The following PLXDC2 variants were observed in gnomAD, a reference collection of about 807,000 sequenced individuals.
PLXDC2 encodes the protein plexin domain-containing protein 2.
A neutral mutation model predicts 68.9 loss-of-function variants in PLXDC2; 40 were observed. That is an observed-to-expected ratio of 0.58 (90% CI 0.45 to 0.76). The LOEUF (loss-of-function observed/expected upper bound fraction) is 0.76. Among genes scored for constraint, PLXDC2 ranks in the 30% least tolerant of loss-of-function variants. PLXDC2 has a pLI of 0.00. For synonymous variants in PLXDC2, 243 were observed against 234.2 expected, an observed-to-expected ratio of 1.04 and a Z score of -0.34; for missense variants, 644 against 661.9, an observed-to-expected ratio of 0.97 and a Z score of 0.30.
chr10:19,822,326 A>G (rs1836485170), intron 1 of PLXDC2, among the ~76,000 whole-genome samples: 1 of 150,962 alleles, frequency 6.6e-6, no homozygotes, highest in Admixed American at 6.6e-5. Context: ...TATGGAATGT[A>G]TATGCACTAC....
chr10:20,124,709 C>A (rs1022808311), intron 4 of PLXDC2, among the ~76,000 whole-genome samples: 3 of 139,242 alleles, frequency 2.2e-5, no homozygotes, highest in Non-Finnish European at 4.6e-5. Context: ...TGTTCTCTGG[C>A]GGGCAGGAGT....
At chr10:20,116,622 G>A (rs1833626551) in intron 4 of PLXDC2, among the ~76,000 whole-genome samples, 1 of 152,112 alleles carries the variant, frequency 6.6e-6, no homozygotes, top group East Asian at 1.9e-4. Context: ...TTAGAAGTAA[G>A]GTATTTGGAT....
chr10:20,184,046 C>CG, intron 9 of PLXDC2, among the ~76,000 whole-genome samples: 1 of 151,686 alleles, frequency 6.6e-6, no homozygotes, highest in South Asian at 2.1e-4. Context: ...GAATAAGCCC[C>CG]TCCTTATTAA....
intron 9 of PLXDC2, among the ~76,000 whole-genome samples, chr10:20,198,135 T>G (rs1264411002): frequency 6.6e-6 from 1 of 152,106 alleles, no homozygotes; most frequent in African/African-American, 2.4e-5. Context: ...CAGCTTGGGT[T>G]GAATATTTCT....
At chr10:19,861,378 TC>T (rs1187639409) in intron 1 of PLXDC2, among the ~76,000 whole-genome samples, 1 of 152,030 alleles carries the variant, frequency 6.6e-6, no homozygotes, top group African/African-American at 2.4e-5. Context: ...GCCAGACACT[TC>T]CAGTCAGTGT....
chr10:20,232,727 C>T (rs11011895), intron 12 of PLXDC2, among the ~76,000 whole-genome samples: 11,844 of 152,022 alleles, frequency 0.078, 610 homozygotes, highest in African/African-American at 0.13. Flanking sequence ...CGGTGTTGGT[C>T]GGGGCTGTTA....
rs1008174678 is a variant in PLXDC2 at position 20,288,611 on chromosome 10, CCT to C, written c.*8793_*8794del. The C allele has an allele frequency of 2.0e-4, 30 of 152,150 alleles. No homozygotes were observed. Among genetic ancestry groups the C allele is most frequent in the African/African-American group, 7.2e-4 (30 of 41,518 alleles). 9.4% of individuals were successfully genotyped at this position (152,150 alleles called of 1,614,324 possible). ...ATTATGTTCACTGTAATATTAATGA[CCT>C]AAGTTTGAATGTATTTCCTTACAGT... On this transcript the variant is annotated 3_prime_UTR_variant, in exon 14 of 14. Transcript: ENST00000377252.
intron 4 of PLXDC2, among the ~76,000 whole-genome samples, chr10:20,081,294 A>G (rs10764196): frequency 0.21 from 31,433 of 152,116 alleles, 3,943 homozygotes; most frequent in African/African-American, 0.35. Flanking sequence ...GGGAATAGGA[A>G]GCAGGGAGGG....
chr10:20,186,041 T>C (rs1425213355), intron 9 of PLXDC2, among the ~76,000 whole-genome samples: 1 of 151,990 alleles, frequency 6.6e-6, no homozygotes, highest in Admixed American at 6.6e-5. Flanking sequence ...AATATTCTGA[T>C]AGCTAAAAAT....
At position 19,953,976 on chromosome 10, in the gene PLXDC2, G is replaced by A. The variant is rs533276535; in HGVS notation, c.113-47799G>A. On this transcript the variant is annotated intron_variant, in intron 1 of 13. Transcript: ENST00000377252. ...GAAGTGTGGGCGGGGTGATAAAATC[G>A]TGCATTTAAATCATGTTAAAAACTT... Among the ~76,000 whole-genome samples the A allele has an allele frequency of 1.6e-4, 24 of 152,228 alleles. No homozygotes were observed. In the South Asian group the frequency reaches 4.1e-3, roughly 26 times the overall value.
intron 1 of PLXDC2, among the ~76,000 whole-genome samples, chr10:19,921,990 T>A (rs1042589296): frequency 5.9e-5 from 9 of 152,226 alleles, no homozygotes; most frequent in African/African-American, 2.2e-4. Flanking sequence ...CCCGAGTAGG[T>A]GGGACTAACA....
chr10:20,126,318 A>AATATATACATATACGTTATATAATAC (rs1833777765), intron 4 of PLXDC2, among the ~76,000 whole-genome samples: 5 of 86,172 alleles, frequency 5.8e-5, no homozygotes, highest in Non-Finnish European at 1.4e-4. Flanking sequence ...TACGTTATAT[A>AATATATACATATACGTTATATAATAC]ATATATACAT....
intron 1 of PLXDC2, among the ~76,000 whole-genome samples, chr10:19,937,040 C>G (rs1311679196): frequency 6.6e-6 from 1 of 152,168 alleles, no homozygotes; most frequent in Non-Finnish European, 1.5e-5. Flanking sequence ...ATGTCTCTTG[C>G]ATGTGTTCCT....
chr10:20,127,435 C>A (rs1486893992), intron 4 of PLXDC2, among the ~76,000 whole-genome samples: 3 of 152,090 alleles, frequency 2.0e-5, no homozygotes, highest in Non-Finnish European at 2.9e-5. Context: ...GTTTTGTAAA[C>A]CAGAGGCTGG....
intron 3 of PLXDC2, among the ~76,000 whole-genome samples, chr10:20,057,834 G>A (rs75304767): frequency 0.011 from 1,696 of 151,990 alleles, 33 homozygotes; most frequent in African/African-American, 0.038. Flanking sequence ...ACTCTCGGAC[G>A]CTGTGTTGAG....
intron 13 of PLXDC2, among the ~76,000 whole-genome samples, chr10:20,261,952 C>T (rs945638298): frequency 6.6e-6 from 1 of 152,278 alleles, no homozygotes; most frequent in Admixed American, 6.5e-5. Flanking sequence ...GAGTGGCCAG[C>T]ATGGCCAACT....
intron 6 of PLXDC2, among the ~76,000 whole-genome samples, chr10:20,148,919 C>A (rs1252173700): frequency 2.6e-5 from 4 of 152,034 alleles, no homozygotes; most frequent in Non-Finnish European, 5.9e-5. Context: ...TTAAATAGGC[C>A]AACTTTTAAA....
At chr10:20,232,727 C>G (rs11011895) in intron 12 of PLXDC2, among the ~76,000 whole-genome samples, 4 of 152,058 alleles carry the variant, frequency 2.6e-5, no homozygotes, top group African/African-American at 9.6e-5. Context: ...CGGTGTTGGT[C>G]GGGGCTGTTA....
chr10:19,970,497 T>A lies in PLXDC2; in HGVS notation c.113-31278T>A, dbSNP rs1834331769. ...CCTTCTATATATGATGAAAGCCCTG[T>A]TGGATTACACACATCACCCTTCAGA... On this transcript the variant is annotated intron_variant, in intron 1 of 13. Coordinates refer to ENST00000377252, the MANE Select transcript of PLXDC2 (RefSeq NM_032812.9). Among the ~76,000 whole-genome samples, 4 of 152,214 alleles carry A rather than the reference T, an allele frequency of 2.6e-5. No homozygotes were observed. The South Asian group carries it at 8.3e-4, about 32-fold the overall frequency.
Sources: gnomAD v4.1 joint callset for allele counts (sites outside exome capture counted in the v4.1 genomes callset) on GRCh38, gnomAD v4.1.1 for gene constraint, MANE v1.5 for transcripts, NCBI Gene and HGNC (gene_info 2026-07-23, HGNC 2026-07-21) for gene names.